The following CNTN5 variants were observed in gnomAD, a reference collection of about 807,000 sequenced individuals.
The protein encoded by CNTN5 is contactin-5.
Under a neutral mutation model 129.1 loss-of-function variants are expected in CNTN5, and 77 were observed. The ratio of observed to expected loss-of-function variants is 0.60; its 90% confidence interval spans 0.50 to 0.72. The LOEUF is 0.72. Ranked by LOEUF, CNTN5 falls within the 30% of genes least tolerant of loss-of-function variation. The probability of loss-of-function intolerance (pLI) is 0.00; values close to 1 mark genes in which losing one functional copy is unlikely to be tolerated. For missense variants in CNTN5, 1,478 were observed against 1,328.8 expected, an observed-to-expected ratio of 1.11 and a Z score of -1.75; for synonymous variants, 509 against 465.6, an observed-to-expected ratio of 1.09 and a Z score of -1.20.
At chr11:99,114,419 C>G (rs1857944139) in intron 1 of CNTN5, among the ~76,000 whole-genome samples, 1 of 151,644 alleles carries the variant, frequency 6.6e-6, no homozygotes, top group South Asian at 2.1e-4. Flanking sequence ...CCTTCTCTTT[C>G]TCCTTCTCCT....
At chr11:99,828,739 A>G (rs779141037) in intron 4 of CNTN5, among the ~76,000 whole-genome samples, 6 of 152,166 alleles carry the variant, frequency 3.9e-5, no homozygotes, top group Non-Finnish European at 7.4e-5. Context: ...TTATTTTACT[A>G]CACTCAAGAG....
At chr11:99,975,833 G>A (rs1474122481) in intron 8 of CNTN5, among the ~76,000 whole-genome samples, 1 of 152,098 alleles carries the variant, frequency 6.6e-6, no homozygotes, top group Admixed American at 6.5e-5. Context: ...CAAATCTCAT[G>A]TCCTTCCACA....
At position 99,744,703 on chromosome 11, in the gene CNTN5, G is replaced by A. The variant is rs188540631; in HGVS notation, c.56-74841G>A. On this transcript the variant is annotated intron_variant, in intron 3 of 24. Transcript: ENST00000524871. ...CCACTGCACTACAGCCTGGGCAACA[G>A]GGTAAGACCCTGTCTCAGAAAAAAA... Among the ~76,000 whole-genome samples the A allele has an allele frequency of 8.5e-3, 1,264 of 148,740 alleles. 21 individuals carry two copies. Among genetic ancestry groups the A allele is most frequent in the Middle Eastern group, 0.024 (7 of 294 alleles).
chr11:99,101,291 G>A (rs1375847672), intron 1 of CNTN5, among the ~76,000 whole-genome samples: 1 of 116,294 alleles, frequency 8.6e-6, no homozygotes, highest in Non-Finnish European at 1.8e-5. Flanking sequence ...GATTTGGGTG[G>A]GAACACATGA....
chr11:99,130,536 G>C (rs1325523313), intron 1 of CNTN5, among the ~76,000 whole-genome samples: 2 of 152,106 alleles, frequency 1.3e-5, no homozygotes, highest in Non-Finnish European at 2.9e-5. Context: ...ATGCCCTACT[G>C]TCAGTATGAG....
intron 1 of CNTN5, among the ~76,000 whole-genome samples, chr11:99,207,181 G>C (rs560841816): frequency 9.2e-5 from 14 of 152,164 alleles, no homozygotes; most frequent in African/African-American, 3.4e-4. Context: ...ATCTTTTGAT[G>C]AATAAAATTA....
intron 6 of CNTN5, among the ~76,000 whole-genome samples, chr11:99,876,156 G>C (rs1309565393): frequency 6.6e-6 from 1 of 152,066 alleles, no homozygotes; most frequent in African/African-American, 2.4e-5. Context: ...TCACTGAGCT[G>C]AGCTATCCCT....
intron 6 of CNTN5, among the ~76,000 whole-genome samples, chr11:99,887,955 G>T (rs1948942540): frequency 6.6e-6 from 1 of 152,036 alleles, no homozygotes; most frequent in South Asian, 2.1e-4. Flanking sequence ...ACACACCCAG[G>T]AACAATACTT....
chr11:99,782,963 A>C (rs868579239), intron 3 of CNTN5, among the ~76,000 whole-genome samples: 1,886 of 151,576 alleles, frequency 0.012, 16 homozygotes, highest in African/African-American at 0.017. Context: ...GCAACAAAAG[A>C]CAAAATTGAC....
chr11:99,535,352 T>A (rs1947862072), intron 2 of CNTN5, among the ~76,000 whole-genome samples: 1 of 152,186 alleles, frequency 6.6e-6, no homozygotes, highest in Admixed American at 6.5e-5. Context: ...GAGAGGTAGA[T>A]AAACAGTAGA....
At chr11:99,596,728 C>T (rs1408895006) in intron 3 of CNTN5, among the ~76,000 whole-genome samples, 3 of 152,114 alleles carry the variant, frequency 2.0e-5, no homozygotes, top group Non-Finnish European at 4.4e-5. Flanking sequence ...TTTCAGAATT[C>T]CACTACTGGA....
intron 15 of CNTN5, among the ~76,000 whole-genome samples, chr11:100,203,636 C>A (rs543748436): frequency 6.6e-6 from 1 of 151,886 alleles, no homozygotes; most frequent in East Asian, 1.9e-4. Context: ...CTGTTGATTC[C>A]TTTTCTCCAT....
At chr11:99,540,871 G>T (rs1384844619) in intron 2 of CNTN5, among the ~76,000 whole-genome samples, 1 of 152,116 alleles carries the variant, frequency 6.6e-6, no homozygotes, top group African/African-American at 2.4e-5. Flanking sequence ...GTCTACGAAG[G>T]CAAATTATAA....
chr11:99,280,532 A>G (rs1591463394), intron 1 of CNTN5, among the ~76,000 whole-genome samples: 1 of 151,784 alleles, frequency 6.6e-6, no homozygotes, highest in African/African-American at 2.4e-5. Flanking sequence ...GAAAAACAAT[A>G]TGGAAACATA....
intron 1 of CNTN5, among the ~76,000 whole-genome samples, chr11:99,046,839 A>G (rs192815022): frequency 6.6e-6 from 1 of 152,126 alleles, no homozygotes; most frequent in African/African-American, 2.4e-5. Flanking sequence ...GCCCATTGCT[A>G]TATTATAAAT....
At chr11:99,937,614 A>T (rs532468343) in intron 7 of CNTN5, among the ~76,000 whole-genome samples, 1 of 152,330 alleles carries the variant, frequency 6.6e-6, no homozygotes, top group Non-Finnish European at 1.5e-5. Context: ...GTTGTACATA[A>T]GAGAAAGACG....
At chr11:99,111,294 G>T (rs767393897) in intron 1 of CNTN5, among the ~76,000 whole-genome samples, 16 of 151,852 alleles carry the variant, frequency 1.1e-4, no homozygotes, top group Non-Finnish European at 2.2e-4. Context: ...GTGTGTGTTT[G>T]TGTGTGTGTG....
intron 3 of CNTN5, among the ~76,000 whole-genome samples, chr11:99,664,631 G>A (rs968082498): frequency 6.6e-6 from 1 of 152,156 alleles, no homozygotes; most frequent in Non-Finnish European, 1.5e-5. Context: ...TGAAGAATAA[G>A]TATGGCTGCT....
chr11:99,249,637 T>C (rs1381952694), intron 1 of CNTN5, among the ~76,000 whole-genome samples: 1 of 151,984 alleles, frequency 6.6e-6, no homozygotes, highest in African/African-American at 2.4e-5. Flanking sequence ...AATCCAAATA[T>C]TCCAATGTAG....
Sources: gnomAD v4.1 joint callset for allele counts (sites outside exome capture counted in the v4.1 genomes callset) on GRCh38, gnomAD v4.1.1 for gene constraint, MANE v1.5 for transcripts, NCBI Gene and HGNC (gene_info 2026-07-23, HGNC 2026-07-21) for gene names.